Variants in TAS1R2 observed in about 807,000 individuals in gnomAD.
TAS1R2 encodes taste receptor type 1 member 2.
A neutral mutation model predicts 49.3 loss-of-function variants in TAS1R2; 47 were observed. The observed-to-expected ratio is 0.95, with a 90% CI of 0.75 to 1.22. The LOEUF is 1.22. Ranked by LOEUF, TAS1R2 falls within the 50% of genes most tolerant of loss-of-function variation. The pLI is 0.00. For missense variants in TAS1R2, 1,155 were observed against 1,122.1 expected (o/e 1.03, Z -0.42); for synonymous variants, 479 against 467.9 (o/e 1.02, Z -0.31).
At chr1:18,850,171 A>C (rs1156532160) in intron 3 of TAS1R2, among the ~76,000 whole-genome samples, 1 of 152,110 alleles carries the variant, frequency 6.6e-6, no homozygotes, top group African/African-American at 2.4e-5. Context: ...AAACTAGAGC[A>C]CACTTTGAAC....
chr1:18,854,680 G>T lies in TAS1R2; in HGVS notation c.790C>A (p.Leu264Met), dbSNP rs74056647. 1,377 of 1,613,892 alleles carry T rather than the reference G, an allele frequency of 8.5e-4. 11 individuals carry two copies. The African/African-American group carries it at 0.016, about 18-fold the overall frequency. Residue 264 changes from leucine (L) to methionine (M), a missense_variant, in exon 3 of 6, where the codon CTG becomes ATG. Leu to Met is a conservative substitution (Grantham distance 15). Coordinates refer to ENST00000375371, the Ensembl canonical transcript of TAS1R2. This position sits in a 1 kb window ranked among gnomAD's most constrained non-coding sequence, Gnocchi z 4.9. ...ACGACGCGCGCTGTGCTCTGCTGCA[G>T]CTTGTCCACAATGGTCACCAGGCGC...
chr1:18,857,641 C>A lies in TAS1R2; in HGVS notation c.183-10G>T, dbSNP rs371560102. 1 of 1,607,378 alleles carries A rather than the reference C, an allele frequency of 6.2e-7. No individual in the cohort carries two copies. Among genetic ancestry groups the A allele is most frequent in the Non-Finnish European group, 8.5e-7 (1 of 1,176,318 alleles). ...CACCTTCACTTCATACCTGGAGGGG[C>A]CACAGCATCATGAGGTGGAAGCAGA... On this transcript the variant is annotated splice_polypyrimidine_tract_variant and intron_variant, in intron 1 of 5. Transcript: ENST00000375371.
intron 4 of TAS1R2, among the ~76,000 whole-genome samples, chr1:18,845,047 C>T (rs1360445190): frequency 6.6e-6 from 1 of 152,196 alleles, no homozygotes; most frequent in African/African-American, 2.4e-5. Context: ...TACATCAGAT[C>T]TTTTCCTCTC....
At chr1:18,853,618 T>C (rs1934071083) in intron 3 of TAS1R2, among the ~76,000 whole-genome samples, 1 of 152,150 alleles carries the variant, frequency 6.6e-6, no homozygotes, top group African/African-American at 2.4e-5. Flanking sequence ...GGTGGGAGGC[T>C]GGCCCCAAAC....
intron 4 of TAS1R2, among the ~76,000 whole-genome samples, chr1:18,847,929 C>T (rs112518480): frequency 0.047 from 7,118 of 152,256 alleles, 531 homozygotes; most frequent in African/African-American, 0.15. Flanking sequence ...TAGCAGCAAG[C>T]GGAGAGAGCT....
chr1:18,840,544 G>A lies in TAS1R2; in HGVS notation c.1592-17C>T, dbSNP rs1226737346. ...CATATTCATCTGCAAAAGCCACAGC[G>A]ACTCCCATTAGCCAAGCCCATCTTC... is the stretch of plus-strand genomic sequence containing the variant. On this transcript the variant is annotated splice_polypyrimidine_tract_variant and intron_variant, in intron 5 of 5. Transcript: ENST00000375371. 1.9e-6 allele frequency: 3 copies of A among 1,613,880 alleles called. No individual in the cohort carries two copies. Among genetic ancestry groups the A allele is most frequent in the South Asian group, 1.1e-5 (1 of 90,998 alleles).
At chr1:18,853,626 A>G (rs916212092) in intron 3 of TAS1R2, among the ~76,000 whole-genome samples, 8 of 152,218 alleles carry the variant, frequency 5.3e-5, no homozygotes, top group Non-Finnish European at 7.3e-5. Flanking sequence ...GCTGGCCCCA[A>G]ACTGTGAAAA....
Position 18,849,605 on chromosome 1 carries a change from T to C in TAS1R2, c.1258-55A>G, listed in dbSNP as rs991606420. On this transcript the variant is annotated intron_variant, in intron 3 of 5. Transcript: ENST00000375371. The stretch of plus-strand genomic sequence containing the variant: ...GCTAGCATCAGAATCTGAGCCAGAA[T>C]TTTTCCTGGACCTGGGAAAGATTCT... 41 of 1,588,950 alleles carry C rather than the reference T, an allele frequency of 2.6e-5. No individual in the cohort carries two copies. In the Admixed American group the frequency reaches 6.9e-4, roughly 27 times the overall value.
Position 18,854,131 on chromosome 1 carries a change from G to A in TAS1R2, c.1257+82C>T. 1 of 1,352,236 alleles carries A rather than the reference G, an allele frequency of 7.4e-7. No individual in the cohort carries two copies. The highest frequency in any genetic ancestry group is 1.0e-6 in the Non-Finnish European group (1 of 985,484). The allele number at this position is 1,352,236 out of a possible 1,614,324, so 83.8% of individuals were successfully genotyped here. On this transcript the variant is annotated intron_variant, in intron 3 of 5. Transcript: ENST00000375371. The surrounding 1 kb of genome is among the most constrained non-coding windows in gnomAD (Gnocchi z 4.9). Reference sequence around the variant, plus strand: ...GTGTCTGGAAGAATGGGATACTCATGCCCTTTCACACCCATTTGCCCAGAA... The same window carrying A: ...GTGTCTGGAAGAATGGGATACTCATACCCTTTCACACCCATTTGCCCAGAA...
chr1:18,840,288 G>A (rs1413594402), exon 6 of TAS1R2: 2 of 1,613,960 alleles, frequency 1.2e-6, no homozygotes, highest in East Asian at 2.2e-5. Flanking sequence ...GCCACCAGCA[G>A]CAGTGTCAGC....
At chr1:18,839,905 G>A (rs778363756) in exon 6 of TAS1R2, 2 of 1,614,134 alleles carry the variant, frequency 1.2e-6, no homozygotes, top group African/African-American at 1.3e-5. Flanking sequence ...CCACCACTGA[G>A]AGCAGCAGGT....
intron 2 of TAS1R2, among the ~76,000 whole-genome samples, chr1:18,856,042 CAT>C (rs1470354998): frequency 3.3e-5 from 5 of 152,206 alleles, no homozygotes; most frequent in South Asian, 2.1e-4. Flanking sequence ...TGCTCACACA[CAT>C]GTCAGGTCAC....
intron 1 of TAS1R2, chr1:18,858,257 C>T (rs1934176785): frequency 6.5e-6 from 1 of 153,694 alleles, no homozygotes; most frequent in Non-Finnish European, 1.5e-5. Context: ...TCATCACTAC[C>T]ATCACCAACG....
Position 18,854,131 on chromosome 1 carries a change from G to T in TAS1R2, c.1257+82C>A. On this transcript the variant is annotated intron_variant, in intron 3 of 5. Transcript: ENST00000375371. This position sits in a 1 kb window ranked among gnomAD's most constrained non-coding sequence, Gnocchi z 4.9. The stretch of plus-strand genomic sequence containing the variant: ...GTGTCTGGAAGAATGGGATACTCAT[G>T]CCCTTTCACACCCATTTGCCCAGAA... 1.5e-6 allele frequency: 2 copies of T among 1,352,230 alleles called. No homozygotes were observed. The highest frequency in any genetic ancestry group is 2.0e-6 in the Non-Finnish European group (2 of 985,478). 83.8% of individuals were successfully genotyped at this position (1,352,230 alleles called of 1,614,324 possible).
chr1:18,857,718 C>T, intron 1 of TAS1R2, 87 bp from the exon 2 acceptor site: 5 of 1,448,150 alleles, frequency 3.5e-6, no homozygotes, highest in South Asian at 1.4e-5. Flanking sequence ...CTCCTTCCTG[C>T]CACAGGAAAG....
chr1:18,848,748 A>T (rs1471746867), intron 4 of TAS1R2, among the ~76,000 whole-genome samples: 1 of 152,042 alleles, frequency 6.6e-6, no homozygotes, highest in Non-Finnish European at 1.5e-5. Flanking sequence ...TAGGTTGCAC[A>T]CTCCTTATGA....
At chr1:18,841,618 C>T (rs769933485) in intron 5 of TAS1R2, 111 bp downstream of exon 5, 8 of 1,452,592 alleles carry the variant, frequency 5.5e-6, no homozygotes, top group South Asian at 1.4e-5. Context: ...ACTCACACCC[C>T]CTGTGGGGTA....
At chr1:18,841,959 C>T in intron 4 of TAS1R2, 107 bp from the exon 5 acceptor site, 1 of 1,280,290 alleles carries the variant, frequency 7.8e-7, no homozygotes, top group Non-Finnish European at 1.0e-6. Context: ...CTAGAAGCCC[C>T]CTAGGTTTTG....
chr1:18,849,207 C>A, intron 4 of TAS1R2, 134 bp downstream of exon 4: 1 of 958,582 alleles, frequency 1.0e-6, no homozygotes, highest in Non-Finnish European at 1.5e-6. Flanking sequence ...ACGATACACC[C>A]ACAAATAGAC....
Sources: allele counts gnomAD v4.1 joint callset (sites outside exome capture counted in the v4.1 genomes callset), GRCh38; gene constraint gnomAD v4.1.1; non-coding constraint Gnocchi (gnomAD v3.1); transcripts MANE v1.5; gene names NCBI Gene and HGNC (gene_info 2026-07-23, HGNC 2026-07-21).